MCTP1: variants seen among roughly 807,000 people sequenced by gnomAD.
MCTP1 encodes multiple C2 and transmembrane domain-containing protein 1.
A neutral mutation model predicts 120.6 loss-of-function variants in MCTP1; 69 were observed. The observed-to-expected ratio is 0.57, with a 90% CI of 0.47 to 0.70. The LOEUF (loss-of-function observed/expected upper bound fraction) is 0.70, where lower values mean the gene tolerates loss of function less well. Ranked by LOEUF, MCTP1 falls within the 30% of genes least tolerant of loss-of-function variation. The probability of loss-of-function intolerance (pLI) is 0.00; values close to 1 mark genes in which losing one functional copy is unlikely to be tolerated. For missense variants in MCTP1, 1,203 were observed against 1,248.8 expected (o/e 0.96, Z 0.55); for synonymous variants, 529 against 493.1 (o/e 1.07, Z -0.96).
chr5:94,846,572 A>G (rs759377068), intron 17 of MCTP1, among the ~76,000 whole-genome samples: 3 of 152,182 alleles, frequency 2.0e-5, no homozygotes, highest in Non-Finnish European at 4.4e-5. Flanking sequence ...CTACCTGGGT[A>G]ATGGAATTAT....
At chr5:95,020,168 G>A (rs913599801) in intron 1 of MCTP1, among the ~76,000 whole-genome samples, 4 of 151,996 alleles carry the variant, frequency 2.6e-5, no homozygotes, top group East Asian at 1.9e-4. Flanking sequence ...AGAAAAATTT[G>A]AAGGCTCAGA....
chr5:95,284,698 G>A lies in MCTP1; in HGVS notation c.-123C>T. 1.2e-6 allele frequency: 1 copy of A among 810,272 alleles called. No homozygotes were observed. The highest frequency in any genetic ancestry group is 1.8e-6 in the Non-Finnish European group (1 of 563,268). 50.2% of individuals were successfully genotyped at this position (810,272 alleles called of 1,614,324 possible). On this transcript the variant is annotated 5_prime_UTR_variant, in exon 1 of 23. Coordinates refer to ENST00000515393, the MANE Select transcript of MCTP1 (RefSeq NM_024717.7). The surrounding 1 kb of genome is among the most constrained non-coding windows in gnomAD (Gnocchi z 5.2). Reference sequence around the variant, plus strand: ...TGGCGGTGGCGGCGGCGGCGGCGGCGGGCGCAGCAGCAGAAACCGGGAGTG... The same window carrying A: ...TGGCGGTGGCGGCGGCGGCGGCGGCAGGCGCAGCAGCAGAAACCGGGAGTG...
intron 18 of MCTP1, among the ~76,000 whole-genome samples, chr5:94,783,888 G>C (rs570188183): frequency 4.6e-5 from 7 of 152,152 alleles, no homozygotes; most frequent in African/African-American, 1.7e-4. Flanking sequence ...CCTTTCAAAA[G>C]CCAGTGCTGA....
intron 1 of MCTP1, among the ~76,000 whole-genome samples, chr5:95,074,030 C>A (rs955479941): frequency 6.6e-6 from 1 of 152,090 alleles, no homozygotes; most frequent in East Asian, 1.9e-4. Flanking sequence ...GCAGAAGAAT[C>A]GCTTGAACCT....
chr5:94,853,681 T>A (rs959167168), intron 17 of MCTP1, among the ~76,000 whole-genome samples: 1 of 151,862 alleles, frequency 6.6e-6, no homozygotes, highest in Non-Finnish European at 1.5e-5. Flanking sequence ...GAACAGAAAT[T>A]TCCTACCTGG....
chr5:95,136,603 AGT>A (rs1273390320), intron 1 of MCTP1, among the ~76,000 whole-genome samples: 3 of 152,324 alleles, frequency 2.0e-5, no homozygotes, highest in Admixed American at 6.5e-5. Context: ...AAGAGAGAAG[AGT>A]GAGAGAAGAC....
intron 1 of MCTP1, among the ~76,000 whole-genome samples, chr5:95,094,584 A>AGGAC (rs1484736660): frequency 6.6e-6 from 1 of 152,200 alleles, no homozygotes; most frequent in Non-Finnish European, 1.5e-5. Context: ...TTCACTTACA[A>AGGAC]ATTGAGAGAT....
chr5:95,029,637 C>A (rs975390719), intron 1 of MCTP1, among the ~76,000 whole-genome samples: 7 of 9,928 alleles, frequency 7.1e-4, no homozygotes, highest in Admixed American at 1.1e-3. Context: ...GCACTTCTCT[C>A]TCCTCTCACC....
chr5:94,955,862 GC>G (rs1822475846), intron 2 of MCTP1, among the ~76,000 whole-genome samples: 1 of 152,200 alleles, frequency 6.6e-6, no homozygotes. Context: ...AAAAGTTCCT[GC>G]CTGCCAGCTC....
At chr5:95,022,205 T>C (rs546247759) in intron 1 of MCTP1, among the ~76,000 whole-genome samples, 1 of 152,316 alleles carries the variant, frequency 6.6e-6, no homozygotes, top group East Asian at 1.9e-4. Flanking sequence ...GCAAAAGCAA[T>C]TGTGGTTTCT....
At position 95,121,949 on chromosome 5, in the gene MCTP1, A is replaced by AAG. The variant is rs573542213; in HGVS notation, c.721-104466_721-104465insCT. Among the ~76,000 whole-genome samples the AAG allele has an allele frequency of 4.5e-4, 68 of 151,250 alleles. 2 individuals are homozygous for AAG. The highest frequency in any genetic ancestry group is 2.3e-3 in the Admixed American group (35 of 15,200). The stretch of plus-strand genomic sequence containing the variant: ...GATATCCATATGCAAAAAAAAAAAA[A>AAG]AAAGAAAGAAACTGTACTCCTATCT... On this transcript the variant is annotated intron_variant, in intron 1 of 22. Transcript: ENST00000515393.
At chr5:95,118,145 C>A (rs1237924045) in intron 1 of MCTP1, among the ~76,000 whole-genome samples, 1 of 152,170 alleles carries the variant, frequency 6.6e-6, no homozygotes, top group Non-Finnish European at 1.5e-5. Flanking sequence ...TGTAACAAAC[C>A]TGCACATCCT....
At chr5:95,167,269 T>C (rs1190421590) in intron 1 of MCTP1, among the ~76,000 whole-genome samples, 2 of 152,252 alleles carry the variant, frequency 1.3e-5, no homozygotes, top group African/African-American at 4.8e-5. Flanking sequence ...TAGTATTCCA[T>C]GGTGTATATG....
At chr5:95,221,210 T>C (rs1753657257) in intron 1 of MCTP1, among the ~76,000 whole-genome samples, 2 of 152,062 alleles carry the variant, frequency 1.3e-5, no homozygotes, top group Admixed American at 1.3e-4. Context: ...ATACTTACAA[T>C]AAACAGTAAA....
intron 2 of MCTP1, among the ~76,000 whole-genome samples, chr5:94,956,482 C>G (rs1006507978): frequency 6.6e-6 from 1 of 152,096 alleles, no homozygotes; most frequent in African/African-American, 2.4e-5. Context: ...GCTAAAGGAG[C>G]ATGTGGTAAC....
rs1561515404 is a variant in MCTP1 at position 94,714,879 on chromosome 5, T to TC, written c.2617dup (p.Glu873GlyfsTer8). 6.3e-7 allele frequency: 1 copy of TC among 1,596,668 alleles called. No homozygotes were observed. Among genetic ancestry groups the TC allele is most frequent in the Non-Finnish European group, 8.6e-7 (1 of 1,164,404 alleles). ...GATTTTATTTATAAATCCCTTTTTT[T>TC]CACTGTCCTAAAATGCAATAAAAAA... is the stretch of plus-strand genomic sequence containing the variant. On this transcript the variant is annotated frameshift_variant, in exon 20 of 23. Coordinates refer to ENST00000515393, the MANE Select transcript of MCTP1 (RefSeq NM_024717.7). LOFTEE classifies it high-confidence loss of function.
intron 17 of MCTP1, among the ~76,000 whole-genome samples, chr5:94,813,562 T>C (rs2153074595): frequency 6.6e-6 from 1 of 152,280 alleles, no homozygotes; most frequent in East Asian, 1.9e-4. Flanking sequence ...AATCCAAATG[T>C]TTATCATCTA....
At position 94,865,063 on chromosome 5, in the gene MCTP1, C is replaced by T. The variant is rs147151760; in HGVS notation, c.2436+3270G>A. The stretch of plus-strand genomic sequence containing the variant: ...AATATTCACAGTAAAATTTTAAAAC[C>T]GAATGCATTGCACACAAAATAAGCA... On this transcript the variant is annotated intron_variant, in intron 17 of 22. Coordinates refer to ENST00000515393, the MANE Select transcript of MCTP1 (RefSeq NM_024717.7). Among the ~76,000 whole-genome samples the T allele has an allele frequency of 1.1e-3, 172 of 151,894 alleles. 1 individual carries two copies. The highest frequency in any genetic ancestry group is 4.0e-3 in the African/African-American group (166 of 41,484).
intron 1 of MCTP1, among the ~76,000 whole-genome samples, chr5:95,178,422 T>C (rs949553266): frequency 5.3e-5 from 8 of 152,194 alleles, no homozygotes; most frequent in African/African-American, 1.9e-4. Context: ...CACTCTTGTG[T>C]TCCTGGCTGA....
Sources: allele counts gnomAD v4.1 joint callset (sites outside exome capture counted in the v4.1 genomes callset), GRCh38; gene constraint gnomAD v4.1.1; non-coding constraint Gnocchi (gnomAD v3.1); transcripts MANE v1.5; gene names NCBI Gene and HGNC (gene_info 2026-07-23, HGNC 2026-07-21).